SH3GL3: variants seen among roughly 807,000 people sequenced by gnomAD.
SH3GL3 encodes endophilin-A3.
Under a neutral mutation model 47.7 loss-of-function variants are expected in SH3GL3, and 33 were observed. The observed-to-expected ratio is 0.69, with a 90% CI of 0.52 to 0.92. SH3GL3 has a LOEUF of 0.92. Among genes scored for constraint, SH3GL3 ranks in the 40% least tolerant of loss-of-function variants. The probability of loss-of-function intolerance (pLI) is 0.00; values close to 1 mark genes in which losing one functional copy is unlikely to be tolerated. For synonymous variants in SH3GL3, 155 were observed against 148.8 expected, an observed-to-expected ratio of 1.04 and a Z score of -0.30; for missense variants, 363 against 417.8, an observed-to-expected ratio of 0.87 and a Z score of 1.14.
intron 1 of SH3GL3, among the ~76,000 whole-genome samples, chr15:83,471,901 G>A (rs568119396): frequency 3.9e-4 from 56 of 144,654 alleles, no homozygotes; most frequent in Admixed American, 1.3e-3. Flanking sequence ...TTTTTTTTTT[G>A]AGACAGAGTC....
Position 83,499,979 on chromosome 15 carries a change from C to A in SH3GL3, c.45+52401C>A, listed in dbSNP as rs76839606. Among the ~76,000 whole-genome samples, 593 of 152,302 alleles carry A rather than the reference C, an allele frequency of 3.9e-3. 5 individuals carry two copies. Among genetic ancestry groups the A allele is most frequent in the African/African-American group, 0.014 (573 of 41,558 alleles). On this transcript the variant is annotated intron_variant, in intron 1 of 8. Coordinates refer to ENST00000427482, the MANE Select transcript of SH3GL3 (RefSeq NM_003027.5). The stretch of plus-strand genomic sequence containing the variant: ...AGGTACCAGTCTGCTGAAAAATGGA[C>A]ACATGACACTGGAGAAGATCATCTG...
chr15:83,466,247 G>A (rs1217623045), intron 1 of SH3GL3, among the ~76,000 whole-genome samples: 1 of 152,120 alleles, frequency 6.6e-6, no homozygotes, highest in Non-Finnish European at 1.5e-5. Flanking sequence ...TCCATGGTAT[G>A]GATGTATCAC....
rs2044562468 is a variant in SH3GL3 at position 83,549,578 on chromosome 15, C to G, written c.46-9675C>G. On this transcript the variant is annotated intron_variant, in intron 1 of 8. Coordinates refer to ENST00000427482, the MANE Select transcript of SH3GL3 (RefSeq NM_003027.5). ...GACTCCAATTTCTGTCTCTTGATCACTGTGATACTGCAGAAATACCTGCTT... is the reference window on the plus strand; with the variant it reads ...GACTCCAATTTCTGTCTCTTGATCAGTGTGATACTGCAGAAATACCTGCTT... Among the ~76,000 whole-genome samples the G allele has an allele frequency of 2.0e-5, 3 of 152,280 alleles. No homozygotes were observed. In the South Asian group the frequency reaches 6.2e-4, roughly 32 times the overall value.
At chr15:83,583,057 A>T (rs2059871775) in intron 6 of SH3GL3, among the ~76,000 whole-genome samples, 1 of 152,234 alleles carries the variant, frequency 6.6e-6, no homozygotes, top group South Asian at 2.1e-4. Flanking sequence ...AGAGCAAGAA[A>T]TTACTGGTAT....
chr15:83,595,536 C>T (rs1310035584), intron 8 of SH3GL3, among the ~76,000 whole-genome samples: 1 of 149,442 alleles, frequency 6.7e-6, no homozygotes, highest in African/African-American at 2.4e-5. Context: ...TATGCCCTAT[C>T]AACAAGATTA....
At chr15:83,590,342 C>T (rs990245936) in intron 8 of SH3GL3, among the ~76,000 whole-genome samples, 8 of 151,982 alleles carry the variant, frequency 5.3e-5, no homozygotes, top group Non-Finnish European at 1.5e-5. Context: ...CATTTTGTGC[C>T]CTGTCATGAT....
chr15:83,522,941 A>G (rs1013538782), intron 1 of SH3GL3, among the ~76,000 whole-genome samples: 4 of 152,248 alleles, frequency 2.6e-5, no homozygotes, highest in Non-Finnish European at 5.9e-5. Context: ...ATCTGAATAT[A>G]TATGACAAAT....
the SH3GL3 span, among the ~76,000 whole-genome samples, chr15:83,631,534 C>A: frequency 1.3e-5 from 2 of 152,220 alleles, no homozygotes; most frequent in African/African-American, 2.4e-5. Context: ...CAAACCTCAA[C>A]TCTTGACTTC....
intron 1 of SH3GL3, among the ~76,000 whole-genome samples, chr15:83,510,547 T>C (rs898203323): frequency 6.6e-5 from 10 of 152,196 alleles, no homozygotes; most frequent in African/African-American, 1.9e-4. Context: ...GTCCTAATTT[T>C]AAAAAGTTGT....
rs1448959331 is a variant in SH3GL3, at chr15:83,448,894, A to G, written c.45+1316A>G. On this transcript the variant is annotated intron_variant, in intron 1 of 8. Transcript: ENST00000427482. This position sits in a 1 kb window ranked among gnomAD's most constrained non-coding sequence, Gnocchi z 4.2. ...AGGAGCCCTGGAGGAGAGGCTATTCAGGTGAGGGTGGAGATGATGGATTCA... is the reference window on the plus strand; with the variant it reads ...AGGAGCCCTGGAGGAGAGGCTATTCGGGTGAGGGTGGAGATGATGGATTCA... 6.6e-6 allele frequency among the ~76,000 whole-genome samples: 1 copy of G among 152,100 alleles called. No homozygotes were observed. Among genetic ancestry groups the G allele is most frequent in the Non-Finnish European group, 1.5e-5 (1 of 68,008 alleles).
At position 83,487,470 on chromosome 15, in the gene SH3GL3, T is replaced by G. The variant is rs144824117; in HGVS notation, c.45+39892T>G. Among the ~76,000 whole-genome samples, 174 of 152,304 alleles carry G rather than the reference T, an allele frequency of 1.1e-3. 2 individuals carry two copies. The highest frequency in any genetic ancestry group is 3.9e-3 in the African/African-American group (163 of 41,576). On this transcript the variant is annotated intron_variant, in intron 1 of 8. Coordinates refer to ENST00000427482, the MANE Select transcript of SH3GL3 (RefSeq NM_003027.5). ...TGGTATGTGGACTATTTTGGGGGAA[T>G]GTGCCCTTATTTTCTGTTGTGAACC...
Position 83,607,015 on chromosome 15 carries a change from A to G in SH3GL3, c.839-11067A>G, listed in dbSNP as rs896752746. On this transcript the variant is annotated intron_variant, in intron 8 of 8. Coordinates refer to ENST00000427482, the MANE Select transcript of SH3GL3 (RefSeq NM_003027.5). ...GGAAGAGTCTCTCTCTTATTTTCCA[A>G]TTTGAAGGAAGATTTAGAGAGGGAA... Among the ~76,000 whole-genome samples, 4 of 152,320 alleles carry G rather than the reference A, an allele frequency of 2.6e-5. No individual in the cohort carries two copies. In the Middle Eastern group the frequency reaches 0.01, roughly 389 times the overall value.
chr15:83,587,867 T>C lies in SH3GL3; in HGVS notation c.728+781T>C, dbSNP rs147462475. ...ACAGGATTATGGTAATGCATAAATT[T>C]GGAGGGATTTTTACTTAAATCAATG... On this transcript the variant is annotated intron_variant, in intron 7 of 8. Coordinates refer to ENST00000427482, the MANE Select transcript of SH3GL3 (RefSeq NM_003027.5). Among the ~76,000 whole-genome samples, 423 of 152,316 alleles carry C rather than the reference T, an allele frequency of 2.8e-3. 2 individuals carry two copies. The highest frequency in any genetic ancestry group is 4.0e-3 in the Non-Finnish European group (271 of 68,030).
At chr15:83,604,127 C>T (rs973315142) in intron 8 of SH3GL3, among the ~76,000 whole-genome samples, 1 of 151,168 alleles carries the variant, frequency 6.6e-6, no homozygotes, top group African/African-American at 2.4e-5. Context: ...GGCTGGGCAA[C>T]AAGAGTGAAA....
At chr15:83,592,895 A>G (rs1471124656) in intron 8 of SH3GL3, among the ~76,000 whole-genome samples, 2 of 152,066 alleles carry the variant, frequency 1.3e-5, no homozygotes, top group Admixed American at 1.3e-4. Context: ...CAAATCCTGC[A>G]TAAGTTGTCT....
At chr15:83,483,487 G>C (rs186427716) in intron 1 of SH3GL3, among the ~76,000 whole-genome samples, 20 of 152,246 alleles carry the variant, frequency 1.3e-4, no homozygotes, top group African/African-American at 4.6e-4. Flanking sequence ...CATGTGGCCA[G>C]TGGCTATGTA....
intron 1 of SH3GL3, among the ~76,000 whole-genome samples, chr15:83,522,431 G>A (rs538086257): frequency 2.0e-5 from 3 of 152,266 alleles, no homozygotes; most frequent in South Asian, 2.1e-4. Flanking sequence ...TCCATCTTCC[G>A]TAAGTGCTGG....
chr15:83,616,445 A>G (rs149420281), intron 8 of SH3GL3, among the ~76,000 whole-genome samples: 62 of 151,926 alleles, frequency 4.1e-4, no homozygotes, highest in Middle Eastern at 6.8e-3. Context: ...TAGTAGAGAC[A>G]GGGTTTCACT....
intron 2 of SH3GL3, among the ~76,000 whole-genome samples, chr15:83,562,643 T>C (rs2045344785): frequency 6.6e-6 from 1 of 152,186 alleles, no homozygotes; most frequent in Non-Finnish European, 1.5e-5. Context: ...AATTAACACA[T>C]AAGCTTAACA....
Sources: gnomAD v4.1 joint callset for allele counts (sites outside exome capture counted in the v4.1 genomes callset) on GRCh38, gnomAD v4.1.1 for gene constraint, Gnocchi (gnomAD v3.1) non-coding constraint, MANE v1.5 for transcripts, NCBI Gene and HGNC (gene_info 2026-07-23, HGNC 2026-07-21) for gene names.